Variants in ADAM18 observed in about 807,000 individuals in gnomAD.
ADAM18 encodes the protein disintegrin and metalloproteinase domain-containing protein 18.
Under a neutral mutation model 94.4 loss-of-function variants are expected in ADAM18, and 117 were observed. That is an observed-to-expected ratio of 1.24 (90% confidence interval 1.07 to 1.45). The LOEUF is 1.45. Among genes scored for constraint, ADAM18 ranks in the 40% most tolerant of loss-of-function variants. ADAM18 has a pLI of 0.00. For synonymous variants in ADAM18, 327 were observed against 291.6 expected, an observed-to-expected ratio of 1.12 and a Z score of -1.24; for missense variants, 936 against 880.0, an observed-to-expected ratio of 1.06 and a Z score of -0.81.
chr8:39,634,216 G>A (rs1295646885), intron 7 of ADAM18, among the ~76,000 whole-genome samples: 1 of 152,130 alleles, frequency 6.6e-6, no homozygotes, highest in Non-Finnish European at 1.5e-5. Context: ...GGTGCAGACT[G>A]TGAACCTTGG....
chr8:39,652,109 A>G (rs1180749418), intron 12 of ADAM18, among the ~76,000 whole-genome samples: 5 of 152,162 alleles, frequency 3.3e-5, no homozygotes, highest in African/African-American at 1.2e-4. Flanking sequence ...AGAAGAAAAT[A>G]TAGGAAAAAG....
chr8:39,666,308 G>A (rs1418101294), intron 13 of ADAM18, among the ~76,000 whole-genome samples: 2 of 152,064 alleles, frequency 1.3e-5, no homozygotes, highest in South Asian at 2.1e-4. Flanking sequence ...CCAAAATGCT[G>A]GGATTACAGA....
chr8:39,648,669 G>A, intron 12 of ADAM18, 142 bp downstream of exon 12: 1 of 837,906 alleles, frequency 1.2e-6, no homozygotes, highest in Non-Finnish European at 1.8e-6. Context: ...GATGAGTTAA[G>A]ATGTATAAAT....
At chr8:39,617,476 T>C (rs960500317) in intron 6 of ADAM18, among the ~76,000 whole-genome samples, 2 of 152,124 alleles carry the variant, frequency 1.3e-5, no homozygotes, top group African/African-American at 4.8e-5. Context: ...ACCCAGCAAC[T>C]CCATTATTGG....
intron 12 of ADAM18, among the ~76,000 whole-genome samples, chr8:39,657,774 G>T (rs1820728244): frequency 6.6e-6 from 1 of 151,996 alleles, no homozygotes; most frequent in Non-Finnish European, 1.5e-5. Flanking sequence ...GTAATATATT[G>T]GAAATTGTAT....
At chr8:39,710,148 G>A (rs1822355391) in intron 18 of ADAM18, among the ~76,000 whole-genome samples, 1 of 152,214 alleles carries the variant, frequency 6.6e-6, no homozygotes, top group Non-Finnish European at 1.5e-5. Context: ...GTAAGCAACA[G>A]TGATTCAGAA....
intron 16 of ADAM18, among the ~76,000 whole-genome samples, chr8:39,680,775 A>G (rs1421797876): frequency 2.6e-5 from 4 of 151,478 alleles, no homozygotes; most frequent in African/African-American, 9.7e-5. Flanking sequence ...TTAATCTTGC[A>G]ATATAAGGGC....
chr8:39,605,172 C>G (rs1170908835), intron 2 of ADAM18, among the ~76,000 whole-genome samples: 4 of 152,176 alleles, frequency 2.6e-5, no homozygotes, highest in Admixed American at 2.0e-4. Context: ...CTACCCAATT[C>G]ACAGACTGTT....
In ADAM18 at chr8:39,606,335, A is replaced by G; in HGVS notation, c.161A>G (p.Gln54Arg). ...KMIYIITIDG[Q>R]PYTLHLGKQS... ...ATTTACATCATTACAATTGATGGAC[A>G]ACCTTACACTCTACATCTCGGAAAA... Residue 54 changes from glutamine (Q) to arginine (R), a missense_variant, in exon 3 of 20, where the codon CAA becomes CGA. Coordinates refer to ENST00000265707, the MANE Select transcript of ADAM18 (RefSeq NM_014237.3). 1 of 1,563,146 alleles carries G rather than the reference A, an allele frequency of 6.4e-7. No homozygotes were observed. The highest frequency in any genetic ancestry group is 1.2e-5 in the South Asian group (1 of 84,060).
At chr8:39,723,947 C>A (rs760850507) in intron 19 of ADAM18, 40 bp downstream of exon 19, 1 of 1,236,058 alleles carries the variant, frequency 8.1e-7, no homozygotes, top group Non-Finnish European at 1.1e-6. Context: ...GTTTAATTAT[C>A]CTAGTCATTA....
chr8:39,602,058 A>G (rs144292365), intron 2 of ADAM18, among the ~76,000 whole-genome samples: 30 of 152,228 alleles, frequency 2.0e-4, no homozygotes, highest in South Asian at 6.2e-4. Context: ...TTATTCGTCT[A>G]TTCGTTACTG....
At chr8:39,636,525 G>A (rs1338577356) in intron 7 of ADAM18, among the ~76,000 whole-genome samples, 1 of 152,028 alleles carries the variant, frequency 6.6e-6, no homozygotes, top group East Asian at 1.9e-4. Flanking sequence ...CATTCCTGAT[G>A]TTGGCAATTT....
intron 10 of ADAM18, among the ~76,000 whole-genome samples, chr8:39,642,828 A>T (rs1242133587): frequency 6.6e-6 from 1 of 152,100 alleles, no homozygotes; most frequent in Non-Finnish European, 1.5e-5. Flanking sequence ...AAGAATGTAA[A>T]TGGTAGTTTA....
chr8:39,596,863 A>G (rs528367558), intron 2 of ADAM18, among the ~76,000 whole-genome samples: 124 of 152,324 alleles, frequency 8.1e-4, no homozygotes, highest in African/African-American at 2.8e-3. Flanking sequence ...CGTTTTGACT[A>G]TTCAAATCAA....
chr8:39,714,888 A>T (rs1586009773), intron 18 of ADAM18, among the ~76,000 whole-genome samples: 1 of 152,152 alleles, frequency 6.6e-6, no homozygotes, highest in African/African-American at 2.4e-5. Context: ...GTTTCACTTA[A>T]AGTTGCATTT....
rs1218646591 is a variant in ADAM18, at chr8:39,692,728, C to T, written c.1902+48C>T. 2.1e-6 allele frequency: 3 copies of T among 1,436,464 alleles called. No individual in the cohort carries two copies. The Admixed American group carries it at 5.4e-5, about 26-fold the overall frequency. 89.0% of individuals were successfully genotyped at this position (1,436,464 alleles called of 1,614,324 possible). ...TTGCATGTTATTCTTGTGGGTAATT[C>T]AAATAAACATCTGTTTATGAGGATT... On this transcript the variant is annotated intron_variant, in intron 17 of 19. Coordinates refer to ENST00000265707, the MANE Select transcript of ADAM18 (RefSeq NM_014237.3).
intron 5 of ADAM18, among the ~76,000 whole-genome samples, chr8:39,610,199 T>C (rs987746013): frequency 1.3e-5 from 2 of 152,130 alleles, no homozygotes; most frequent in Admixed American, 1.3e-4. Flanking sequence ...CCGTCCCTTA[T>C]CAAACCTCTG....
At chr8:39,637,424 A>T in intron 8 of ADAM18, 89 bp downstream of exon 8, 1 of 1,413,190 alleles carries the variant, frequency 7.1e-7, no homozygotes, top group Non-Finnish European at 9.7e-7. Context: ...TAACTTAAAT[A>T]CTTTTTATTA....
In ADAM18 at chr8:39,668,212, T is replaced by C. The variant is rs768340730; in HGVS notation, c.1525+16T>C. Reference sequence around the variant, plus strand: ...TTTGGAAAAGGTATTGCTCTTTCTTTCGTATTTATTTTACCTTACATTTGC... The same window carrying C: ...TTTGGAAAAGGTATTGCTCTTTCTTCCGTATTTATTTTACCTTACATTTGC... On this transcript the variant is annotated intron_variant, in intron 14 of 19. Transcript: ENST00000265707. 1.1e-5 allele frequency: 18 copies of C among 1,612,022 alleles called. No individual in the cohort carries two copies. The highest frequency in any genetic ancestry group is 1.3e-5 in the African/African-American group (1 of 74,976).
Sources: allele counts gnomAD v4.1 joint callset (sites outside exome capture counted in the v4.1 genomes callset), GRCh38; gene constraint gnomAD v4.1.1; transcripts MANE v1.5; gene names NCBI Gene and HGNC (gene_info 2026-07-23, HGNC 2026-07-21).